MFSD12: variants seen among roughly 807,000 people sequenced by gnomAD.
MFSD12 encodes major facilitator superfamily domain-containing protein 12.
In MFSD12, 67 loss-of-function variants were observed where a neutral mutation model predicts 51.2. That is an observed-to-expected ratio of 1.31 (90% CI 1.08 to 1.60). MFSD12 has a LOEUF of 1.60. Ranked by LOEUF, MFSD12 falls within the 40% of genes most tolerant of loss-of-function variation. The probability of loss-of-function intolerance (pLI) is 0.00; values close to 1 mark genes in which losing one functional copy is unlikely to be tolerated. For missense variants in MFSD12, 921 were observed against 673.0 expected, an observed-to-expected ratio of 1.37 and a Z score of -4.08; for synonymous variants, 441 against 316.7, an observed-to-expected ratio of 1.39 and a Z score of -4.17.
chr19:3,544,387 G>A lies in MFSD12; in HGVS notation c.*323C>T. On this transcript the variant is annotated 3_prime_UTR_variant, in exon 10 of 10. Transcript: ENST00000355415. ...CTGGAGGTGAGGGGTGAACTGGACTGAGCTCAGGGTTAGGGTTCCCCCAGA... is the reference window on the plus strand; with the variant it reads ...CTGGAGGTGAGGGGTGAACTGGACTAAGCTCAGGGTTAGGGTTCCCCCAGA... 8 of 1,300,366 alleles carry A rather than the reference G, an allele frequency of 6.2e-6. No individual in the cohort carries two copies. Among genetic ancestry groups the A allele is most frequent in the Non-Finnish European group, 7.8e-6 (8 of 1,024,812 alleles). The allele number at this position is 1,300,366 out of a possible 1,614,324, so 80.6% of individuals were successfully genotyped here.
At chr19:3,543,481 C>T (rs976828920), downstream of MFSD12, 3 of 404,690 alleles carry the variant, frequency 7.4e-6, no homozygotes, top group Non-Finnish European at 9.8e-6. Context: ...CGGGTGAGTG[C>T]CCCCCCCCCC....
intron 2 of MFSD12, among the ~76,000 whole-genome samples, chr19:3,550,551 C>T (rs1285250086): frequency 6.6e-6 from 1 of 152,022 alleles, no homozygotes; most frequent in Non-Finnish European, 1.5e-5. Context: ...ACCACCGCGC[C>T]CGGCTAATTT....
rs1031599915 is a variant in MFSD12 at position 3,544,452 on chromosome 19, G to T, written c.*258C>A. 5.2e-6 allele frequency: 7 copies of T among 1,343,694 alleles called. No homozygotes were observed. The highest frequency in any genetic ancestry group is 6.7e-6 in the Non-Finnish European group (7 of 1,050,094). The allele number at this position is 1,343,694 out of a possible 1,614,324, so 83.2% of individuals were successfully genotyped here. ...CTACTTCCTGTTCCCTGCCGAGAGGGGCACCCCAAATCCTCCAGAGGGCTG... is the reference window on the plus strand; with the variant it reads ...CTACTTCCTGTTCCCTGCCGAGAGGTGCACCCCAAATCCTCCAGAGGGCTG... On this transcript the variant is annotated 3_prime_UTR_variant, in exon 10 of 10. Transcript: ENST00000355415.
At chr19:3,543,700 G>C (rs769282426), downstream of MFSD12, 4 of 1,508,680 alleles carry the variant, frequency 2.7e-6, no homozygotes, top group Non-Finnish European at 3.6e-6. Context: ...GGTGCAGGGT[G>C]GGTCCTTGGG....
chr19:3,557,537 G>A lies in MFSD12; in HGVS notation c.-134C>T. On this transcript the variant is annotated 5_prime_UTR_variant, in exon 1 of 10. Transcript: ENST00000355415. ...GGCACCCCGCGTCCCGCTCTCTTACGGCCGCGCCCTCACCCACGTCCGCCG... is the reference window on the plus strand; with the variant it reads ...GGCACCCCGCGTCCCGCTCTCTTACAGCCGCGCCCTCACCCACGTCCGCCG... 4 of 439,366 alleles carry A rather than the reference G, an allele frequency of 9.1e-6. No homozygotes were observed. Among genetic ancestry groups the A allele is most frequent in the South Asian group, 1.0e-4 (1 of 9,546 alleles). The allele number at this position is 439,366 out of a possible 1,614,324, so 27.2% of individuals were successfully genotyped here.
Position 3,548,186 on chromosome 19 carries a change from C to G in MFSD12, c.591G>C (p.Val197=), listed in dbSNP as rs765681040. The G allele has an allele frequency of 5.1e-6, 8 of 1,581,918 alleles. No homozygotes were observed. The South Asian group carries it at 8.0e-5, about 16-fold the overall frequency. Residue 197 remains valine, a synonymous_variant, in exon 3 of 10, where the codon GTG becomes GTC. Coordinates refer to ENST00000355415, the MANE Select transcript of MFSD12 (RefSeq NM_174983.5). ...LLLHLQGSSR[V]EPTQDISISD... The stretch of plus-strand genomic sequence containing the variant: ...TGATGCTGATGTCTTGGGTGGGCTC[C>G]ACCCGCGACGAGCCCTGCAGGTGCA...
chr19:3,543,708 G>A (rs367809274), downstream of MFSD12: 18 of 1,503,020 alleles, frequency 1.2e-5, no homozygotes, highest in Non-Finnish European at 1.3e-5. Flanking sequence ...GTGGGTCCTT[G>A]GGAGGCCAGG....
At chr19:3,550,928 T>TG (rs1367266375) in intron 2 of MFSD12, 56 bp downstream of exon 2, 1 of 1,478,226 alleles carries the variant, frequency 6.8e-7, no homozygotes, top group Non-Finnish European at 9.3e-7. Context: ...TGCCACTGAC[T>TG]GATACACCGA....
rs949189800 is a variant in MFSD12 at position 3,557,568 on chromosome 19, G to A, written c.-165C>T. On this transcript the variant is annotated 5_prime_UTR_variant, in exon 1 of 10. Coordinates refer to ENST00000355415, the MANE Select transcript of MFSD12 (RefSeq NM_174983.5). ...GCCCTCACCCACGTCCGCCGCGTCC[G>A]CCCCACGCTCGACTCTGCAGCCGCC... 6 of 287,316 alleles carry A rather than the reference G, an allele frequency of 2.1e-5. No individual in the cohort carries two copies. Among genetic ancestry groups the A allele is most frequent in the East Asian group, 9.9e-5 (1 of 10,120 alleles). 17.8% of individuals were successfully genotyped at this position (287,316 alleles called of 1,614,324 possible).
At chr19:3,550,453 GCT>G (rs2031408018) in intron 2 of MFSD12, among the ~76,000 whole-genome samples, 1 of 151,556 alleles carries the variant, frequency 6.6e-6, no homozygotes, top group South Asian at 2.1e-4. Flanking sequence ...GTGCAGTGGC[GCT>G]ATCTTGGCTC....
chr19:3,544,839 G>A lies in MFSD12; in HGVS notation c.1390C>T (p.Leu464Phe), dbSNP rs1427289812. ...GVAAALCLCSLLLWPTRLRRW... is the reference protein window; with the variant it reads ...GVAAALCLCSFLLWPTRLRRW... Reference sequence around the variant, plus strand: ...CGCAGGCGGGTCGGCCACAGCAGGAGGCTACAGAGACACAGGGCAGCGGCC... The same window carrying A: ...CGCAGGCGGGTCGGCCACAGCAGGAAGCTACAGAGACACAGGGCAGCGGCC... The change falls in exon 9 of 10, where the codon CTC becomes TTC. Residue 464 changes from leucine to phenylalanine, a missense_variant. Physicochemically the swap from Leu to Phe is conservative, Grantham distance 22. Coordinates refer to ENST00000355415, the MANE Select transcript of MFSD12 (RefSeq NM_174983.5). 2.5e-6 allele frequency: 4 copies of A among 1,612,572 alleles called. No individual in the cohort carries two copies. Among genetic ancestry groups the A allele is most frequent in the Non-Finnish European group, 3.4e-6 (4 of 1,179,704 alleles).
At chr19:3,550,454 C>A (rs576286973) in intron 2 of MFSD12, among the ~76,000 whole-genome samples, 1 of 151,600 alleles carries the variant, frequency 6.6e-6, no homozygotes, top group African/African-American at 2.4e-5. Context: ...TGCAGTGGCG[C>A]TATCTTGGCT....
At chr19:3,540,517 A>C (rs575225273), downstream of MFSD12, among the ~76,000 whole-genome samples, 465 of 151,164 alleles carry the variant, frequency 3.1e-3, no homozygotes, top group Non-Finnish European at 4.5e-3. Flanking sequence ...TGGCCTCCCA[A>C]AGTGCTGGGA....
At chr19:3,544,107 C>T, downstream of MFSD12, 4 of 1,423,310 alleles carry the variant, frequency 2.8e-6, no homozygotes, top group Non-Finnish European at 3.7e-6. Flanking sequence ...GAGGCAGACA[C>T]TGGGCTCGCT....
downstream of MFSD12, chr19:3,543,819 C>T (rs927292681): frequency 4.0e-6 from 6 of 1,512,248 alleles, no homozygotes; most frequent in Admixed American, 2.1e-5. Flanking sequence ...GACCCGAGTC[C>T]CACCTACAGT....
downstream of MFSD12, chr19:3,543,760 A>C: frequency 2.0e-6 from 3 of 1,490,472 alleles, no homozygotes; most frequent in South Asian, 4.0e-5. Flanking sequence ...GCCCGGGGCG[A>C]TCCAGGAGCC....
Position 3,557,352 on chromosome 19 carries a change from A to G in MFSD12, c.52T>C (p.Ser18Pro). 5 of 1,524,882 alleles carry G rather than the reference A, an allele frequency of 3.3e-6. No homozygotes were observed. Among genetic ancestry groups the G allele is most frequent in the Non-Finnish European group, 4.4e-6 (5 of 1,138,180 alleles). The allele number at this position is 1,524,882 out of a possible 1,614,324, so 94.5% of individuals were successfully genotyped here. A position where few individuals can be genotyped will look rare whatever the true frequency, so the allele number is the denominator to read the frequency against. Residue 18 changes from serine to proline, a missense_variant, in exon 1 of 10, where the codon TCC (serine) becomes CCC (proline). Ser to Pro is a moderately conservative substitution (Grantham distance 74). Transcript: ENST00000355415. ...AGAAPSPRPL[S>P]LVARLSYAVG... ...GCGTAGCTCAGCCGCGCCACCAGGG[A>G]CAGCGGCCGCGGGGACGGCGCCGCT... is the stretch of plus-strand genomic sequence containing the variant.
rs372036903 is a variant in MFSD12 at position 3,544,666 on chromosome 19, C to T, written c.*44G>A. ...CAAGGCCCTGGGGGGCATCCTCGTG[C>T]GTCCCCACAGTTCCCTTGCACAGGT... On this transcript the variant is annotated 3_prime_UTR_variant, in exon 10 of 10. Transcript: ENST00000355415. 267 of 1,557,956 alleles carry T rather than the reference C, an allele frequency of 1.7e-4. No individual in the cohort carries two copies. Among genetic ancestry groups the T allele is most frequent in the Non-Finnish European group, 1.8e-4 (209 of 1,147,724 alleles).
At position 3,557,183 on chromosome 19, in the gene MFSD12, G is replaced by A; in HGVS notation, c.221C>T (p.Pro74Leu). The A allele has an allele frequency of 1.3e-6, 2 of 1,554,400 alleles. No homozygotes were observed. Among genetic ancestry groups the A allele is most frequent in the Admixed American group, 1.9e-5 (1 of 51,890 alleles). The change falls in exon 1 of 10, where the codon CCG (proline) becomes CTG (leucine). Residue 74 changes from proline to leucine, a missense_variant. By Grantham distance (98) the Pro-to-Leu change is moderately conservative. Coordinates refer to ENST00000355415, the MANE Select transcript of MFSD12 (RefSeq NM_174983.5). The part of the protein sequence containing the change: ...LGQVADGLCT[P>L]LVGYEADRAA... ...GCGGTCGGCCTCGTAGCCCACGAGC[G>A]GTGTGCACAGCCCGTCGGCCACCTG... is the stretch of plus-strand genomic sequence containing the variant.
Sources: allele counts gnomAD v4.1 joint callset (sites outside exome capture counted in the v4.1 genomes callset), GRCh38; gene constraint gnomAD v4.1.1; transcripts MANE v1.5; gene names NCBI Gene and HGNC (gene_info 2026-07-23, HGNC 2026-07-21).